SGCZ: variants seen among roughly 807,000 people sequenced by gnomAD.
SGCZ encodes zeta-sarcoglycan.
Under a neutral mutation model 41.3 loss-of-function variants are expected in SGCZ, and 40 were observed. The observed-to-expected ratio is 0.97, with a 90% confidence interval of 0.75 to 1.26. The LOEUF is 1.26. SGCZ is among the 50% of genes most tolerant of loss of function. The pLI is 0.00. For missense variants in SGCZ, 552 were observed against 369.8 expected (o/e 1.49, Z -4.04); for synonymous variants, 206 against 137.5 (o/e 1.50, Z -3.49).
At chr8:14,500,813 G>A (rs1028789094) in intron 2 of SGCZ, among the ~76,000 whole-genome samples, 1 of 151,926 alleles carries the variant, frequency 6.6e-6, no homozygotes, top group African/African-American at 2.4e-5. Flanking sequence ...TATCCAACAA[G>A]TTAGTGGAGT....
chr8:14,210,423 G>C (rs1026534640), intron 4 of SGCZ, among the ~76,000 whole-genome samples: 4 of 150,968 alleles, frequency 2.6e-5, no homozygotes, highest in Admixed American at 6.6e-5. Context: ...ACCCTTAATT[G>C]TTCCCTTTCT....
intron 4 of SGCZ, among the ~76,000 whole-genome samples, chr8:14,204,634 A>G (rs1805561245): frequency 6.6e-6 from 1 of 152,096 alleles, no homozygotes; most frequent in Non-Finnish European, 1.5e-5. Context: ...TTGACTAGAG[A>G]AAACCTCCCC....
At chr8:14,342,532 G>T (rs1802746261) in intron 2 of SGCZ, among the ~76,000 whole-genome samples, 1 of 152,028 alleles carries the variant, frequency 6.6e-6, no homozygotes. Context: ...AGCCAGGATG[G>T]TCTCGATCTC....
chr8:14,249,225 T>C (rs1799203993), intron 3 of SGCZ, among the ~76,000 whole-genome samples: 1 of 152,170 alleles, frequency 6.6e-6, no homozygotes, highest in African/African-American at 2.4e-5. Flanking sequence ...GTCTTCAAGC[T>C]GGGACATGAG....
chr8:14,524,430 T>G (rs1802879995), intron 2 of SGCZ, among the ~76,000 whole-genome samples: 1 of 152,042 alleles, frequency 6.6e-6, no homozygotes, highest in South Asian at 2.1e-4. Flanking sequence ...AGTTCTTGGC[T>G]GCTGCTCTTT....
At chr8:14,543,755 A>C (rs1269409039) in intron 2 of SGCZ, among the ~76,000 whole-genome samples, 1 of 152,160 alleles carries the variant, frequency 6.6e-6, no homozygotes, top group Admixed American at 6.5e-5. Flanking sequence ...AAAATAATAA[A>C]TGAATAAATA....
chr8:14,710,369 CA>C (rs770994264), intron 1 of SGCZ, among the ~76,000 whole-genome samples: 42,971 of 91,510 alleles, frequency 0.47, 6,888 homozygotes, highest in East Asian at 0.65. Context: ...GACTCCGCAT[CA>C]AAAAAAAAAA....
chr8:14,753,304 G>A (rs1195927270), intron 1 of SGCZ, among the ~76,000 whole-genome samples: 1 of 152,016 alleles, frequency 6.6e-6, no homozygotes, highest in East Asian at 1.9e-4. Context: ...CATTCTCCCT[G>A]CCCCACAGGT....
intron 1 of SGCZ, among the ~76,000 whole-genome samples, chr8:14,695,243 A>T (rs1808921743): frequency 6.6e-6 from 1 of 152,214 alleles, no homozygotes; most frequent in South Asian, 2.1e-4. Flanking sequence ...ACTTATGTAT[A>T]ATTCTCTTAT....
intron 2 of SGCZ, among the ~76,000 whole-genome samples, chr8:14,393,387 A>G (rs1804854218): frequency 6.6e-6 from 1 of 152,140 alleles, no homozygotes; most frequent in Admixed American, 6.6e-5. Context: ...TGGCGACTCC[A>G]TCTTCCCTTG....
chr8:14,224,182 A>C (rs1806295029), intron 4 of SGCZ, among the ~76,000 whole-genome samples: 1 of 152,220 alleles, frequency 6.6e-6, no homozygotes, highest in African/African-American at 2.4e-5. Context: ...TATGGACTGA[A>C]CTTGAACCTA....
At chr8:15,007,930 G>A (rs12676340) in intron 1 of SGCZ, among the ~76,000 whole-genome samples, 85,412 of 151,908 alleles carry the variant, frequency 0.56, 24,586 homozygotes, top group Middle Eastern at 0.69. Context: ...TTTTATTGTA[G>A]TTCACATTTC....
At chr8:15,095,842 G>A (rs536900768) in intron 1 of SGCZ, among the ~76,000 whole-genome samples, 2 of 152,076 alleles carry the variant, frequency 1.3e-5, no homozygotes, top group South Asian at 2.1e-4. Context: ...AACAAGTTAT[G>A]TTCCCGGTAA....
intron 2 of SGCZ, among the ~76,000 whole-genome samples, chr8:14,525,768 C>T (rs1802929204): frequency 6.6e-6 from 1 of 152,026 alleles, no homozygotes; most frequent in Admixed American, 6.6e-5. Flanking sequence ...TTACAATAAA[C>T]TTTAAGAGAG....
At chr8:14,739,611 T>G (rs961624374) in intron 1 of SGCZ, among the ~76,000 whole-genome samples, 3 of 152,068 alleles carry the variant, frequency 2.0e-5, no homozygotes, top group African/African-American at 7.2e-5. Context: ...TAATGTAAAT[T>G]CTTCTTTGTT....
At chr8:14,892,954 C>T (rs187613915) in intron 1 of SGCZ, among the ~76,000 whole-genome samples, 2 of 152,186 alleles carry the variant, frequency 1.3e-5, no homozygotes, top group Admixed American at 1.3e-4. Context: ...AAAACAAGGG[C>T]CAGTCATGAT....
chr8:15,047,098 C>T (rs1256762741), intron 1 of SGCZ, among the ~76,000 whole-genome samples: 3 of 151,974 alleles, frequency 2.0e-5, no homozygotes, highest in Non-Finnish European at 4.4e-5. Flanking sequence ...ATGTATAATG[C>T]CTGTCCCTCC....
chr8:15,200,232 T>C (rs916345641), intron 1 of SGCZ, among the ~76,000 whole-genome samples: 1 of 152,226 alleles, frequency 6.6e-6, no homozygotes, highest in African/African-American at 2.4e-5. Context: ...TTTGGACTCA[T>C]TAAAGCTCCA....
At chr8:15,035,519 T>C (rs897202115) in intron 1 of SGCZ, among the ~76,000 whole-genome samples, 29 of 152,152 alleles carry the variant, frequency 1.9e-4, no homozygotes, top group African/African-American at 6.8e-4. Flanking sequence ...GCCTTAAATG[T>C]AACTGGATTG....
Sources: gnomAD v4.1 joint callset for allele counts (sites outside exome capture counted in the v4.1 genomes callset) on GRCh38, gnomAD v4.1.1 for gene constraint, MANE v1.5 for transcripts, NCBI Gene and HGNC (gene_info 2026-07-23, HGNC 2026-07-21) for gene names.